Variants in ETV5 observed in about 807,000 individuals in gnomAD.
ETV5 encodes ETS translocation variant 5.
In ETV5, 10 loss-of-function variants were observed where a neutral mutation model predicts 70.0. The observed-to-expected ratio is 0.14, with a 90% confidence interval of 0.09 to 0.24. The LOEUF (loss-of-function observed/expected upper bound fraction) is 0.24, where lower values mean the gene tolerates loss of function less well. Ranked by LOEUF, ETV5 falls within the 10% of genes least tolerant of loss-of-function variation. ETV5 has a pLI of 1.00. For missense variants in ETV5, 453 were observed against 651.2 expected (o/e 0.70, Z 3.31); for synonymous variants, 216 against 242.2 (o/e 0.89, Z 1.01).
chr3:186,080,056 A>G lies in ETV5; in HGVS notation c.411T>C (p.Pro137=), dbSNP rs373416984. ...GATGGGTGGGTGAGAGGGGGGTTGTAGGAGGGGTTAATGGCTTGAACCCAG... is the reference window on the plus strand; with the variant it reads ...GATGGGTGGGTGAGAGGGGGGTTGTGGGAGGGGTTAATGGCTTGAACCCAG... ...PPSGFKPLTP[P]TTPLSPTHQN... The change falls in exon 7 of 13, where the codon CCT becomes CCC. Residue 137 remains proline, a synonymous_variant. Transcript: ENST00000306376. The G allele has an allele frequency of 3.3e-6, 5 of 1,529,452 alleles. No individual in the cohort carries two copies. The highest frequency in any genetic ancestry group is 3.5e-6 in the Non-Finnish European group (4 of 1,147,948). 94.7% of individuals were successfully genotyped at this position (1,529,452 alleles called of 1,614,324 possible).
intron 11 of ETV5, among the ~76,000 whole-genome samples, chr3:186,056,130 T>TG (rs1713156933): frequency 6.6e-6 from 1 of 152,228 alleles, no homozygotes. Context: ...TTCTAGGGTG[T>TG]GTCTTCTCCA....
At chr3:186,059,163 G>C (rs1452035449) in intron 9 of ETV5, among the ~76,000 whole-genome samples, 3 of 152,118 alleles carry the variant, frequency 2.0e-5, no homozygotes, top group Non-Finnish European at 2.9e-5. Flanking sequence ...CCATTTTTAA[G>C]AGGCCTGGGA....
At chr3:186,071,190 G>A (rs1330477207) in intron 7 of ETV5, among the ~76,000 whole-genome samples, 3 of 151,616 alleles carry the variant, frequency 2.0e-5, no homozygotes, top group African/African-American at 7.3e-5. Flanking sequence ...TAAACACAAT[G>A]CTCACAGGAA....
intron 7 of ETV5, among the ~76,000 whole-genome samples, chr3:186,071,550 G>A (rs1356899732): frequency 6.6e-6 from 1 of 152,182 alleles, no homozygotes; most frequent in South Asian, 2.1e-4. Context: ...GATGATGTAA[G>A]ATAATGTATG....
rs559301021 is a variant in ETV5 at position 186,050,538 on chromosome 3, G to C, written c.1311+1492C>G. Reference sequence around the variant, plus strand: ...GGGAGTGGCTGCTGATGGGTATGGCGTTTCTTTTTGGGGTGATAAAATGTT... The same window carrying C: ...GGGAGTGGCTGCTGATGGGTATGGCCTTTCTTTTTGGGGTGATAAAATGTT... On this transcript the variant is annotated intron_variant, in intron 12 of 12. Coordinates refer to ENST00000306376, the MANE Select transcript of ETV5 (RefSeq NM_004454.3). 1.4e-3 allele frequency among the ~76,000 whole-genome samples: 209 copies of C among 152,212 alleles called. 1 individual carries two copies. The highest frequency in any genetic ancestry group is 4.9e-3 in the African/African-American group (204 of 41,524).
At chr3:186,064,250 A>G in intron 9 of ETV5, 167 bp downstream of exon 9, 1 of 647,324 alleles carries the variant, frequency 1.5e-6, no homozygotes, top group Non-Finnish European at 2.7e-6. Flanking sequence ...GCAAGGTTTA[A>G]ACTATGATCT....
chr3:186,096,176 A>C (rs12330470), intron 5 of ETV5, among the ~76,000 whole-genome samples: 202 of 152,250 alleles, frequency 1.3e-3, no homozygotes, highest in African/African-American at 4.0e-3. Flanking sequence ...AAAAATGAAG[A>C]GGGAGTTGAG....
Position 186,047,029 on chromosome 3 carries a change from T to C in ETV5, c.*1610A>G. On this transcript the variant is annotated 3_prime_UTR_variant, in exon 13 of 13. Transcript: ENST00000306376. ...TTGAGACTATGGAGTGCTCCATGAA[T>C]AGAAAAGCAGTTCAAAGCACGTGTC... is the stretch of plus-strand genomic sequence containing the variant. 4.4e-6 allele frequency: 1 copy of C among 227,988 alleles called. No homozygotes were observed. The highest frequency in any genetic ancestry group is 5.7e-5 in the Admixed American group (1 of 17,536). 14.1% of individuals were successfully genotyped at this position (227,988 alleles called of 1,614,324 possible).
Position 186,105,560 on chromosome 3 carries a change from G to A in ETV5, c.134-64C>T. 6.2e-7 allele frequency: 1 copy of A among 1,611,374 alleles called. No homozygotes were observed. Among genetic ancestry groups the A allele is most frequent in the South Asian group, 1.1e-5 (1 of 90,976 alleles). On this transcript the variant is annotated intron_variant, in intron 3 of 12. Coordinates refer to ENST00000306376, the MANE Select transcript of ETV5 (RefSeq NM_004454.3). This position sits in a 1 kb window ranked among gnomAD's most constrained non-coding sequence, Gnocchi z 4.5. ...CTTTCGCTAGGGAGAAGACAGGGAA[G>A]AATCTACACGCTACTGTCACTGGGA...
chr3:186,066,185 T>A, intron 7 of ETV5, 113 bp from the exon 8 acceptor site: 1 of 919,566 alleles, frequency 1.1e-6, no homozygotes, highest in African/African-American at 1.7e-5. Flanking sequence ...AAGTACTTAA[T>A]AATGCTTATT....
intron 9 of ETV5, among the ~76,000 whole-genome samples, chr3:186,062,657 C>T (rs1029944241): frequency 8.5e-5 from 13 of 152,196 alleles, no homozygotes; most frequent in African/African-American, 3.1e-4. Flanking sequence ...AAATATCTAT[C>T]CTATAGGGCT....
intron 6 of ETV5, chr3:186,080,463 T>C (rs1251890601): frequency 4.1e-6 from 1 of 242,714 alleles, no homozygotes; most frequent in Non-Finnish European, 8.0e-6. Flanking sequence ...CTCCCAACTA[T>C]TTCCAGGGTT....
At chr3:186,076,463 A>C (rs955451459) in intron 7 of ETV5, 2 of 184,640 alleles carry the variant, frequency 1.1e-5, no homozygotes, top group African/African-American at 4.7e-5. Context: ...TATTGATGCT[A>C]AACTTAGTGT....
chr3:186,071,607 A>G (rs966924876), intron 7 of ETV5, among the ~76,000 whole-genome samples: 3 of 152,182 alleles, frequency 2.0e-5, no homozygotes, highest in African/African-American at 7.2e-5. Flanking sequence ...CTCAATAAAC[A>G]TTATCTTCAA....
At chr3:186,084,126 ATGT>A (rs1219263116) in intron 5 of ETV5, 1 of 417,040 alleles carries the variant, frequency 2.4e-6, no homozygotes, top group Non-Finnish European at 4.7e-6. Flanking sequence ...TGGTGCTATG[ATGT>A]TGTGTAATTA....
intron 7 of ETV5, chr3:186,078,314 TA>T: frequency 2.1e-6 from 1 of 473,486 alleles, no homozygotes; most frequent in South Asian, 9.6e-5. Flanking sequence ...GAGTTTCAAA[TA>T]CTGAATATAT....
chr3:186,072,080 G>A (rs924242552), intron 7 of ETV5, among the ~76,000 whole-genome samples: 12 of 144,400 alleles, frequency 8.3e-5, no homozygotes, highest in Admixed American at 2.7e-4. Flanking sequence ...GATTACAGGC[G>A]TCAGCCTGTA....
At chr3:186,078,282 A>G in intron 7 of ETV5, 1 of 809,796 alleles carries the variant, frequency 1.2e-6, no homozygotes. Flanking sequence ...AGTTCATGGT[A>G]TAACAAATAG....
At chr3:186,082,161 C>T (rs540292930) in intron 5 of ETV5, among the ~76,000 whole-genome samples, 2 of 152,324 alleles carry the variant, frequency 1.3e-5, no homozygotes, top group Admixed American at 6.5e-5. Flanking sequence ...ATGCATTTTG[C>T]GCTATAAGGG....
Sources: gnomAD v4.1 joint callset for allele counts (sites outside exome capture counted in the v4.1 genomes callset) on GRCh38, gnomAD v4.1.1 for gene constraint, Gnocchi (gnomAD v3.1) non-coding constraint, MANE v1.5 for transcripts, NCBI Gene and HGNC (gene_info 2026-07-23, HGNC 2026-07-21) for gene names.